The following ATP2B4 variants were observed in gnomAD, a reference collection of about 807,000 sequenced individuals.
ATP2B4 encodes the protein plasma membrane calcium-transporting ATPase 4.
ATP2B4 carries 39 observed loss-of-function variants against 110.3 expected under a neutral mutation model. That is an observed-to-expected ratio of 0.35 (90% CI 0.27 to 0.46). The LOEUF (loss-of-function observed/expected upper bound fraction) is 0.46, where lower values mean the gene tolerates loss of function less well. ATP2B4 is among the 20% of genes least tolerant of loss of function. The pLI is 1.00. For synonymous variants in ATP2B4, 538 were observed against 571.7 expected, an observed-to-expected ratio of 0.94 and a Z score of 0.84; for missense variants, 1,135 against 1,530.9, an observed-to-expected ratio of 0.74 and a Z score of 4.32.
intron 1 of ATP2B4, among the ~76,000 whole-genome samples, chr1:203,681,348 A>G (rs942221477): frequency 1.3e-5 from 2 of 152,212 alleles, no homozygotes; most frequent in African/African-American, 4.8e-5. Flanking sequence ...CATTGATAAA[A>G]GAATCAAGTC....
Position 203,698,002 on chromosome 1 carries a change from G to C in ATP2B4, c.194-155G>C, listed in dbSNP as rs138284028. Among the ~76,000 whole-genome samples, 629 of 149,802 alleles carry C rather than the reference G, an allele frequency of 4.2e-3. 3 individuals carry two copies. Among genetic ancestry groups the C allele is most frequent in the African/African-American group, 0.014 (583 of 40,668 alleles). On this transcript the variant is annotated intron_variant, in intron 2 of 20. Transcript: ENST00000357681. ...TTACAGACGTGAGATACCATGCCTG[G>C]CCTCTTTATTTTATTTATTTTTGAG...
At chr1:203,632,696 TAA>T (rs79013470) in intron 1 of ATP2B4, among the ~76,000 whole-genome samples, 21 of 122,162 alleles carry the variant, frequency 1.7e-4, no homozygotes, top group Admixed American at 2.5e-4. Context: ...ATATTTTAAG[TAA>T]AAAAAAAAAA....
Position 203,739,778 on chromosome 1 carries a change from A to C in ATP2B4, c.3542A>C (p.Asn1181Thr). The change falls in exon 21 of 21, where the codon AAC (asparagine) becomes ACC (threonine). Residue 1181 changes from asparagine to threonine, a missense_variant. Asn to Thr is a moderately conservative substitution (Grantham distance 65, BLOSUM62 0). Coordinates refer to ENST00000357681, the MANE Select transcript of ATP2B4 (RefSeq NM_001684.5). ...GEVTPYANTN[N>T]NAVDCNQVQL... The stretch of plus-strand genomic sequence containing the variant: ...GTCACTCCATATGCCAATACAAACA[A>C]CAATGCGGTGGATTGCAACCAAGTG... 5 of 1,614,186 alleles carry C rather than the reference A, an allele frequency of 3.1e-6. No homozygotes were observed. Among genetic ancestry groups the C allele is most frequent in the Non-Finnish European group, 4.2e-6 (5 of 1,180,034 alleles).
At chr1:203,687,780 T>C (rs1665240841) in intron 2 of ATP2B4, among the ~76,000 whole-genome samples, 1 of 152,076 alleles carries the variant, frequency 6.6e-6, no homozygotes, top group African/African-American at 2.4e-5. Flanking sequence ...GACTTAATTA[T>C]CTCTTTTGGC....
At chr1:203,672,608 T>C (rs1664707730) in intron 1 of ATP2B4, among the ~76,000 whole-genome samples, 1 of 152,116 alleles carries the variant, frequency 6.6e-6, no homozygotes, top group Admixed American at 6.5e-5. Flanking sequence ...GCGGTGAGCC[T>C]GGTGCTTCTT....
At chr1:203,736,115 T>G (rs907348640) in intron 20 of ATP2B4, among the ~76,000 whole-genome samples, 2 of 152,212 alleles carry the variant, frequency 1.3e-5, no homozygotes, top group African/African-American at 4.8e-5. Context: ...ATTAGATAGA[T>G]CTCTAAGATT....
At chr1:203,724,176 C>T (rs1189071931) in intron 19 of ATP2B4, among the ~76,000 whole-genome samples, 188 bp downstream of exon 19, 1 of 152,112 alleles carries the variant, frequency 6.6e-6, no homozygotes, top group Non-Finnish European at 1.5e-5. Context: ...GGAATGATCA[C>T]TTCAGAGGTT....
At chr1:203,708,175 AC>A in intron 10 of ATP2B4, 71 bp downstream of exon 10, 1 of 1,591,246 alleles carries the variant, frequency 6.3e-7, no homozygotes, top group Non-Finnish European at 8.6e-7. Context: ...TCTGAAATGA[AC>A]CCCCTTATTG....
At chr1:203,739,525 C>G (rs779469791) in intron 20 of ATP2B4, 21 bp from the exon 21 acceptor site, 1 of 1,597,462 alleles carries the variant, frequency 6.3e-7, no homozygotes, top group Non-Finnish European at 8.5e-7. Flanking sequence ...TCTCATCCTC[C>G]TTTTCCTTCC....
chr1:203,655,386 C>T (rs537442817), intron 1 of ATP2B4, among the ~76,000 whole-genome samples: 1 of 152,174 alleles, frequency 6.6e-6, no homozygotes, highest in East Asian at 1.9e-4. Context: ...TGGCTCACGT[C>T]TGTAATCCCA....
chr1:203,633,927 A>G (rs1306258012), intron 1 of ATP2B4, among the ~76,000 whole-genome samples: 2 of 152,110 alleles, frequency 1.3e-5, no homozygotes, highest in Admixed American at 6.5e-5. Flanking sequence ...GTGCATGCCT[A>G]TAATCCCAGC....
At chr1:203,661,373 A>G (rs1450061587) in intron 1 of ATP2B4, among the ~76,000 whole-genome samples, 1 of 152,194 alleles carries the variant, frequency 6.6e-6, no homozygotes, top group East Asian at 1.9e-4. Context: ...TCTCCTCTGT[A>G]AAATGGGAGT....
intron 1 of ATP2B4, chr1:203,657,310 A>AC: frequency 1.4e-6 from 1 of 740,412 alleles, no homozygotes; most frequent in Admixed American, 2.0e-5. Context: ...ACCCTCTTCC[A>AC]TGCCTTCTTC....
chr1:203,701,991 C>T, intron 6 of ATP2B4, 53 bp from the exon 7 acceptor site: 1 of 1,606,632 alleles, frequency 6.2e-7, no homozygotes, highest in Non-Finnish European at 8.5e-7. Context: ...AATTGGATCT[C>T]TTAATAGTTA....
chr1:203,643,447 G>A (rs1332683143), intron 1 of ATP2B4, among the ~76,000 whole-genome samples: 1 of 152,190 alleles, frequency 6.6e-6, no homozygotes, highest in African/African-American at 2.4e-5. Context: ...GCTGCCCCTG[G>A]ATAAACAAGC....
chr1:203,651,069 C>T (rs1164496593), intron 1 of ATP2B4, among the ~76,000 whole-genome samples: 1 of 152,132 alleles, frequency 6.6e-6, no homozygotes, highest in Admixed American at 6.5e-5. Flanking sequence ...GCCACCATGC[C>T]TGGCCTTGAC....
intron 1 of ATP2B4, among the ~76,000 whole-genome samples, chr1:203,627,509 C>T (rs905026947): frequency 6.6e-6 from 1 of 151,944 alleles, no homozygotes; most frequent in South Asian, 2.1e-4. Context: ...CTTTTTGACA[C>T]CAAAATTGAG....
intron 1 of ATP2B4, among the ~76,000 whole-genome samples, chr1:203,663,388 C>T (rs902357493): frequency 1.3e-5 from 2 of 152,126 alleles, no homozygotes; most frequent in African/African-American, 4.8e-5. Flanking sequence ...TGTACCGCCT[C>T]CATCTAGACC....
In ATP2B4 at chr1:203,700,395, A is replaced by G. The variant is rs1465525530; in HGVS notation, c.775+64A>G. The G allele has an allele frequency of 5.1e-6, 8 of 1,555,252 alleles. No individual in the cohort carries two copies. In the East Asian group the frequency reaches 1.6e-4, roughly 31 times the overall value. On this transcript the variant is annotated intron_variant, in intron 5 of 20. Transcript: ENST00000357681. Reference sequence around the variant, plus strand: ...TGCAAACACCTAGGCCACAGGATCCAGACCCTGTTCTCTCCTCTGACTCTG... The same window carrying G: ...TGCAAACACCTAGGCCACAGGATCCGGACCCTGTTCTCTCCTCTGACTCTG...
Sources: gnomAD v4.1 joint callset for allele counts (sites outside exome capture counted in the v4.1 genomes callset) on GRCh38, gnomAD v4.1.1 for gene constraint, MANE v1.5 for transcripts, NCBI Gene and HGNC (gene_info 2026-07-23, HGNC 2026-07-21) for gene names.